UBAP2: variants seen among roughly 807,000 people sequenced by gnomAD.
UBAP2 encodes ubiquitin associated protein 2.
UBAP2 carries 75 observed loss-of-function variants against 139.6 expected under a neutral mutation model. That is an observed-to-expected ratio of 0.54 (90% confidence interval 0.45 to 0.65). The LOEUF is 0.65. Among genes scored for constraint, UBAP2 ranks in the 30% least tolerant of loss-of-function variants. The pLI, the probability that UBAP2 is intolerant of heterozygous loss-of-function variation, is 0.00. For synonymous variants in UBAP2, 526 were observed against 526.2 expected, an observed-to-expected ratio of 1.00 and a Z score of 0.01; for missense variants, 1,368 against 1,369.6, an observed-to-expected ratio of 1.00 and a Z score of 0.02.
At chr9:33,990,825 C>T (rs747032698) in intron 4 of UBAP2, among the ~76,000 whole-genome samples, 8 of 151,746 alleles carry the variant, frequency 5.3e-5, no homozygotes, top group East Asian at 1.9e-4. Context: ...TTAGTAGAGA[C>T]GGGGTTTCAC....
At chr9:33,957,228 T>A (rs970212753) in intron 10 of UBAP2, among the ~76,000 whole-genome samples, 4 of 152,242 alleles carry the variant, frequency 2.6e-5, no homozygotes, top group Non-Finnish European at 4.4e-5. Context: ...TGAGTTTCTA[T>A]TATTTTTAAA....
intron 6 of UBAP2, among the ~76,000 whole-genome samples, chr9:33,977,371 C>A (rs966034586): frequency 6.6e-6 from 1 of 152,066 alleles, no homozygotes; most frequent in African/African-American, 2.4e-5. Context: ...AAAATCTAAT[C>A]CATCGTCCCC....
chr9:34,021,562 C>T (rs1348134073), intron 1 of UBAP2, among the ~76,000 whole-genome samples: 1 of 152,010 alleles, frequency 6.6e-6, no homozygotes, highest in Non-Finnish European at 1.5e-5. Flanking sequence ...CATACGAACA[C>T]ACTGTTTTAA....
intron 2 of UBAP2, 23 bp downstream of exon 2, chr9:34,017,027 A>AG: frequency 1.3e-6 from 2 of 1,547,182 alleles, no homozygotes; most frequent in Non-Finnish European, 1.7e-6. Flanking sequence ...GAAAAAAAAA[A>AG]AAAGAGTTCC....
In UBAP2 at chr9:33,924,340, A is replaced by G. The variant is rs188262662; in HGVS notation, c.2512-56T>C. On this transcript the variant is annotated intron_variant, in intron 22 of 28. Coordinates refer to ENST00000379238, the MANE Select transcript of UBAP2 (RefSeq NM_001370062.2). Reference sequence around the variant, plus strand: ...ACTGGCCCTGCTTGACTCCCAGGAGAGCAGAACCAGCACATGGAAGTGGTG... The same window carrying G: ...ACTGGCCCTGCTTGACTCCCAGGAGGGCAGAACCAGCACATGGAAGTGGTG... The G allele has an allele frequency of 1.4e-4, 209 of 1,530,976 alleles. 1 individual carries two copies. The African/African-American group carries it at 2.6e-3, about 19-fold the overall frequency. 94.8% of individuals were successfully genotyped at this position (1,530,976 alleles called of 1,614,324 possible). A position where few individuals can be genotyped will look rare whatever the true frequency, so the allele number is the denominator to read the frequency against.
chr9:34,020,965 G>C (rs1230320180), intron 1 of UBAP2, among the ~76,000 whole-genome samples: 1 of 152,066 alleles, frequency 6.6e-6, no homozygotes, highest in African/African-American at 2.4e-5. Flanking sequence ...CTGTTTTCTA[G>C]AACGGTCAGT....
rs377079397 is a variant in UBAP2, at chr9:33,976,073, GT to G, written c.521-2837del. On this transcript the variant is annotated intron_variant, in intron 6 of 28. Coordinates refer to ENST00000379238, the MANE Select transcript of UBAP2 (RefSeq NM_001370062.2). ...TCTACAATAAATTTTTTTAATAAAT[GT>G]TTTTTTAAGAAGGCAAAAGTAAGAC... 8.2e-3 allele frequency among the ~76,000 whole-genome samples: 1,243 copies of G among 152,090 alleles called. 12 individuals carry two copies. Among genetic ancestry groups the G allele is most frequent in the African/African-American group, 0.027 (1,139 of 41,492 alleles).
Position 33,947,304 on chromosome 9 carries a change from C to T in UBAP2, c.1270+1070G>A, listed in dbSNP as rs1389780423. Reference sequence around the variant, plus strand: ...CATAAACCAGCCCACATGGCCAGCTCCACAATGAATGAAATCCCCTGCTAT... The same window carrying T: ...CATAAACCAGCCCACATGGCCAGCTTCACAATGAATGAAATCCCCTGCTAT... On this transcript the variant is annotated intron_variant, in intron 13 of 28. Coordinates refer to ENST00000379238, the MANE Select transcript of UBAP2 (RefSeq NM_001370062.2). Among the ~76,000 whole-genome samples the T allele has an allele frequency of 2.0e-5, 3 of 152,130 alleles. No homozygotes were observed. The East Asian group carries it at 5.8e-4, about 29-fold the overall frequency.
Position 33,922,019 on chromosome 9 carries a change from AAC to A in UBAP2, c.*483_*484del, listed in dbSNP as rs1343950987. On this transcript the variant is annotated 3_prime_UTR_variant, in exon 29 of 29. Transcript: ENST00000379238. Reference sequence around the variant, plus strand: ...GGAGACCATGACAGATGACAAACGGAACAGTTTCTCAAAAACAGAGGTATGAA... The same window carrying A: ...GGAGACCATGACAGATGACAAACGGAAGTTTCTCAAAAACAGAGGTATGAA... The A allele has an allele frequency of 1.3e-5, 2 of 157,310 alleles. No homozygotes were observed. The highest frequency in any genetic ancestry group is 2.8e-5 in the Non-Finnish European group (2 of 71,554). The allele number at this position is 157,310 out of a possible 1,614,324, so 9.7% of individuals were successfully genotyped here.
intron 5 of UBAP2, among the ~76,000 whole-genome samples, chr9:33,987,628 T>C (rs1355151170): frequency 6.6e-6 from 1 of 152,010 alleles, no homozygotes; most frequent in Non-Finnish European, 1.5e-5. Flanking sequence ...GAAAAAAATA[T>C]ATATATATGA....
chr9:33,978,626 A>C (rs1012961383), intron 6 of UBAP2, among the ~76,000 whole-genome samples: 1 of 151,990 alleles, frequency 6.6e-6, no homozygotes, highest in African/African-American at 2.4e-5. Context: ...TAAAAATACA[A>C]AAAATTAGCC....
At chr9:34,018,198 T>C (rs1824556478) in intron 1 of UBAP2, among the ~76,000 whole-genome samples, 1 of 148,800 alleles carries the variant, frequency 6.7e-6, no homozygotes, top group Non-Finnish European at 1.5e-5. Context: ...ATAAGATTCC[T>C]ACTTCCTACC....
intron 2 of UBAP2, among the ~76,000 whole-genome samples, chr9:34,000,528 C>T (rs756090991): frequency 1.1e-4 from 17 of 152,248 alleles, no homozygotes; most frequent in Middle Eastern, 6.8e-3. Context: ...CTCTGTACAA[C>T]GGTCTATTAA....
chr9:33,941,962 C>A (rs1825253552), intron 15 of UBAP2, 100 bp from the exon 16 acceptor site: 2 of 792,982 alleles, frequency 2.5e-6, no homozygotes, highest in Admixed American at 2.5e-5. Context: ...ACTACTGCAT[C>A]AATTTATTAT....
At chr9:33,994,103 C>A (rs1821949032) in intron 4 of UBAP2, among the ~76,000 whole-genome samples, 1 of 152,016 alleles carries the variant, frequency 6.6e-6, no homozygotes, top group Non-Finnish European at 1.5e-5. Flanking sequence ...GCCATGTTGA[C>A]CAGGCTGGTC....
chr9:33,933,223 CAGGT>C (rs1233625538), intron 18 of UBAP2, among the ~76,000 whole-genome samples: 1 of 152,144 alleles, frequency 6.6e-6, no homozygotes, highest in Non-Finnish European at 1.5e-5. Flanking sequence ...AGGGTGAAGA[CAGGT>C]AGGAGGGAGC....
At chr9:33,959,242 A>T (rs1826827592) in intron 10 of UBAP2, among the ~76,000 whole-genome samples, 2 of 152,220 alleles carry the variant, frequency 1.3e-5, no homozygotes, top group East Asian at 3.9e-4. Context: ...TTAAAACCCA[A>T]ATAATACTGT....
intron 2 of UBAP2, among the ~76,000 whole-genome samples, chr9:34,003,082 A>G (rs1267743692): frequency 6.7e-6 from 1 of 149,338 alleles, no homozygotes; most frequent in Non-Finnish European, 1.5e-5. Flanking sequence ...TTTTTTTGAG[A>G]CGAAGTCTCC....
chr9:33,988,955 G>C lies in UBAP2; in HGVS notation c.442+18C>G. 1 of 1,594,468 alleles carries C rather than the reference G, an allele frequency of 6.3e-7. No homozygotes were observed. Among genetic ancestry groups the C allele is most frequent in the Non-Finnish European group, 8.5e-7 (1 of 1,173,128 alleles). The stretch of plus-strand genomic sequence containing the variant: ...AGATGAAAGAAGAGAAAAAACTGAG[G>C]AGAAAGTCTGTACTTACATTCTCTG... On this transcript the variant is annotated intron_variant, in intron 5 of 28. Coordinates refer to ENST00000379238, the MANE Select transcript of UBAP2 (RefSeq NM_001370062.2).
Sources: allele counts gnomAD v4.1 joint callset (sites outside exome capture counted in the v4.1 genomes callset), GRCh38; gene constraint gnomAD v4.1.1; transcripts MANE v1.5; gene names NCBI Gene and HGNC (gene_info 2026-07-23, HGNC 2026-07-21).